RPS6KA6: variants seen among roughly 807,000 people sequenced by gnomAD.
RPS6KA6 encodes the protein ribosomal protein S6 kinase A6, also known as ribosomal protein S6 kinase alpha-6.
In RPS6KA6, 27 loss-of-function variants were observed where a neutral mutation model predicts 65.4. That is an observed-to-expected ratio of 0.41 (90% CI 0.30 to 0.57). The LOEUF (loss-of-function observed/expected upper bound fraction) is 0.57, where lower values mean the gene tolerates loss of function less well. Among genes scored for constraint, RPS6KA6 ranks in the 20% least tolerant of loss-of-function variants. RPS6KA6 has a pLI of 0.24. For missense variants in RPS6KA6, 486 were observed against 555.6 expected, an observed-to-expected ratio of 0.87 and a Z score of 1.26; for synonymous variants, 190 against 184.2, an observed-to-expected ratio of 1.03 and a Z score of -0.26.
chrX:84,096,833 C>T (rs1286328299), intron 19 of RPS6KA6, among the ~76,000 whole-genome samples: 1 of 111,197 alleles, frequency 9.0e-6, no homozygotes, highest in Non-Finnish European at 1.9e-5. Flanking sequence ...ACTCCATAGC[C>T]ATTACATTTA....
At chrX:84,135,049 C>CA (rs2034968501) in intron 7 of RPS6KA6, 55 bp downstream of exon 7, 18 of 870,065 alleles carry the variant, frequency 2.1e-5, no homozygotes, top group Non-Finnish European at 3.3e-6. Flanking sequence ...CAGAGTTTGA[C>CA]AAAAAGCAGT....
chrX:84,105,896 A>G lies in RPS6KA6; in HGVS notation c.1366-20T>C. On this transcript the variant is annotated intron_variant, in intron 15 of 21. Coordinates refer to ENST00000262752, the MANE Select transcript of RPS6KA6 (RefSeq NM_014496.5). Reference sequence around the variant, plus strand: ...AATGATCTAAGAAATACGAAAAAAGAAAAATATCTGAGGCAAACAAATTAT... The same window carrying G: ...AATGATCTAAGAAATACGAAAAAAGGAAAATATCTGAGGCAAACAAATTAT... 1.1e-6 allele frequency: 1 copy of G among 916,342 alleles called. No homozygotes were observed. The highest frequency in any genetic ancestry group is 2.3e-5 in the South Asian group (1 of 43,352). 75.5% of individuals were successfully genotyped at this position (916,342 alleles called of 1,213,427 possible).
chrX:84,152,137 T>A (rs1243934386), intron 3 of RPS6KA6, among the ~76,000 whole-genome samples: 3 of 111,311 alleles, frequency 2.7e-5, no homozygotes, highest in African/African-American at 9.8e-5. Context: ...AGTATCCCAA[T>A]ATGGCATTTA....
At chrX:84,098,033 A>G (rs2034190262) in intron 18 of RPS6KA6, among the ~76,000 whole-genome samples, 185 bp from the exon 19 acceptor site, 1 of 111,305 alleles carries the variant, frequency 9.0e-6, no homozygotes, top group African/African-American at 3.2e-5. Flanking sequence ...CTCTTAGGAA[A>G]CCAGATATAG....
Position 84,116,282 on chromosome X carries a change from C to G in RPS6KA6, c.955G>C (p.Glu319Gln), listed in dbSNP as rs757392631. The change falls in exon 12 of 22, where the codon GAA becomes CAA. Residue 319 changes from glutamate to glutamine, a missense_variant. Physicochemically the swap from Glu to Gln is conservative, Grantham distance 29. This residue lies in a region of RPS6KA6 where 345 missense variants were observed against 375.0 expected (regional missense o/e 0.92). Transcript: ENST00000262752. ...TGTCTTTTGATTTCTTCAACTCCTT[C>G]TGATCCTATAAAAAAAAGAAATGAT... ...KRNPANRLGS[E>Q]GVEEIKRHLF... The G allele has an allele frequency of 9.1e-7, 1 of 1,100,126 alleles. No individual in the cohort carries two copies. The highest frequency in any genetic ancestry group is 1.2e-6 in the Non-Finnish European group (1 of 812,699). The allele number at this position is 1,100,126 out of a possible 1,213,427, so 90.7% of individuals were successfully genotyped here.
At position 84,064,317 on chromosome X, in the gene RPS6KA6, T is replaced by C. The variant is rs771340297; in HGVS notation, c.2198A>G (p.Gln733Arg). 8.3e-7 allele frequency: 1 copy of C among 1,209,146 alleles called. No individual in the cohort carries two copies. The highest frequency in any genetic ancestry group is 2.2e-5 in the Admixed American group (1 of 45,815). The change falls in exon 22 of 22, where the codon CAG becomes CGG. Residue 733 changes from glutamine (Q) to arginine (R), a missense_variant. Gln to Arg is a conservative substitution (Grantham distance 43). Coordinates refer to ENST00000262752, the MANE Select transcript of RPS6KA6 (RefSeq NM_014496.5). ...TGTTCGCTTTTTCATGCTCCGTCGC[T>C]GGGCTAAGCTTGAAGCAGCTACAGG... ...LEPVAASSLA[Q>R]RRSMKKRTST...
intron 3 of RPS6KA6, among the ~76,000 whole-genome samples, chrX:84,154,612 T>C (rs917646804): frequency 9.1e-6 from 1 of 110,443 alleles, no homozygotes; most frequent in African/African-American, 3.3e-5. Flanking sequence ...ATAATATACA[T>C]GCCTACTCTA....
chrX:84,101,159 T>C (rs192844730), intron 18 of RPS6KA6, among the ~76,000 whole-genome samples: 16 of 111,492 alleles, frequency 1.4e-4, no homozygotes, highest in Non-Finnish European at 2.7e-4. Context: ...TGAAGAGTTT[T>C]AGGTATTTTG....
At position 84,108,721 on chromosome X, in the gene RPS6KA6, A is replaced by T. The variant is rs183939934; in HGVS notation, c.1009-996T>A. 2.4e-3 allele frequency among the ~76,000 whole-genome samples: 271 copies of T among 111,680 alleles called. 2 individuals are homozygous for T. The highest frequency in any genetic ancestry group is 9.2e-3 in the Middle Eastern group (2 of 217). On this transcript the variant is annotated intron_variant, in intron 12 of 21. Transcript: ENST00000262752. ...CTGTGCAGAGGTACTGCTCAAGCCC[A>T]TGTGGAATCCCATGGACTTTTGATC...
chrX:84,133,666 C>A (rs771781916), intron 8 of RPS6KA6, among the ~76,000 whole-genome samples: 2 of 111,262 alleles, frequency 1.8e-5, no homozygotes, highest in Non-Finnish European at 3.8e-5. Flanking sequence ...AAGAGGTATA[C>A]TTTATTAAGC....
chrX:84,144,554 G>A (rs1214102261), intron 6 of RPS6KA6, among the ~76,000 whole-genome samples: 1 of 111,194 alleles, frequency 9.0e-6, no homozygotes, highest in African/African-American at 3.3e-5. Flanking sequence ...TGGAGCAACT[G>A]AAACTCTCTT....
At position 84,106,487 on chromosome X, in the gene RPS6KA6, T is replaced by C. The variant is rs756021150; in HGVS notation, c.1243A>G (p.Ile415Val). The C allele has an allele frequency of 9.4e-5, 105 of 1,114,988 alleles. No individual in the cohort carries two copies. The highest frequency in any genetic ancestry group is 1.2e-4 in the Non-Finnish European group (96 of 824,613). 91.9% of individuals were successfully genotyped at this position (1,114,988 alleles called of 1,213,427 possible). ...CCAAATTGTGCAGCATTTCCATTTA[T>C]CTGTTTATTTTTAAAAAGTAAAATA... is the stretch of plus-strand genomic sequence containing the variant. The part of the protein sequence containing the change: ...TSANVLPIVQ[I>V]NGNAAQFGEV... The change falls in exon 15 of 22, where the codon ATA (isoleucine) becomes GTA (valine). Residue 415 changes from isoleucine to valine, a missense_variant and splice_region_variant. Physicochemically the swap from Ile to Val is conservative, Grantham distance 29. This residue lies in a region of RPS6KA6 where 345 missense variants were observed against 375.0 expected (regional missense o/e 0.92). Coordinates refer to ENST00000262752, the MANE Select transcript of RPS6KA6 (RefSeq NM_014496.5).
At chrX:84,179,998 T>C (rs192254591) in intron 1 of RPS6KA6, among the ~76,000 whole-genome samples, 1 of 111,787 alleles carries the variant, frequency 8.9e-6, no homozygotes, top group Non-Finnish European at 1.9e-5. Context: ...TCTCAATTAG[T>C]ACAATTTCTT....
rs1343551829 is a variant in RPS6KA6 at position 84,096,228 on chromosome X, C to G, written c.1937G>C (p.Gly646Ala). 8.4e-7 allele frequency: 1 copy of G among 1,196,442 alleles called. No individual in the cohort carries two copies. The highest frequency in any genetic ancestry group is 1.8e-5 in the South Asian group (1 of 56,511). The change falls in exon 20 of 22, where the codon GGT (glycine) becomes GCT (alanine). Residue 646 changes from glycine to alanine, a missense_variant. This residue lies in a region of RPS6KA6 where 345 missense variants were observed against 375.0 expected (regional missense o/e 0.92). Coordinates refer to ENST00000262752, the MANE Select transcript of RPS6KA6 (RefSeq NM_014496.5). ...RIGNGKFSLS[G>A]GNWDNISDGA... ...GTCTGAAATATTGTCCCAGTTTCCA[C>G]CACTCAAAGAGAATTTTCCATTGCC...
chrX:84,065,852 G>A (rs768415915), intron 20 of RPS6KA6, among the ~76,000 whole-genome samples: 2 of 111,763 alleles, frequency 1.8e-5, no homozygotes, highest in African/African-American at 3.3e-5. Flanking sequence ...TAACAGCTCC[G>A]GTCAGCAGCT....
rs2033289707 is a variant in RPS6KA6 at position 84,060,670 on chromosome X, A to T, written c.*3607T>A. 1 of 111,392 alleles carries T rather than the reference A, an allele frequency of 9.0e-6. No individual in the cohort carries two copies. Among genetic ancestry groups the T allele is most frequent in the East Asian group, 2.8e-4 (1 of 3,548 alleles). 9.2% of individuals were successfully genotyped at this position (111,392 alleles called of 1,213,427 possible). On this transcript the variant is annotated 3_prime_UTR_variant, in exon 22 of 22. Coordinates refer to ENST00000262752, the MANE Select transcript of RPS6KA6 (RefSeq NM_014496.5). Reference sequence around the variant, plus strand: ...TTTTTAAGAGAAAAGGTAGATTGAGAAGTAGAAAGGAAGTAGGAAGGAAAT... The same window carrying T: ...TTTTTAAGAGAAAAGGTAGATTGAGTAGTAGAAAGGAAGTAGGAAGGAAAT...
intron 3 of RPS6KA6, among the ~76,000 whole-genome samples, chrX:84,152,746 T>C (rs777055787): frequency 9.0e-5 from 10 of 111,284 alleles, no homozygotes; most frequent in African/African-American, 2.9e-4. Flanking sequence ...TTTAAAGAAA[T>C]AGATACAAGT....
At chrX:84,077,344 G>C (rs2033683198) in intron 20 of RPS6KA6, among the ~76,000 whole-genome samples, 1 of 111,119 alleles carries the variant, frequency 9.0e-6, no homozygotes, top group Admixed American at 9.6e-5. Flanking sequence ...AAACACTCAT[G>C]GTACCTGATT....
chrX:84,097,762 T>C lies in RPS6KA6; in HGVS notation c.1853+10A>G, dbSNP rs199535577. On this transcript the variant is annotated intron_variant, in intron 19 of 21. Transcript: ENST00000262752. ...AACAATGTTAATGCTTTTGAATATA[T>C]GTTTCTTACCCAGCCAACATTGTGT... 1.0e-4 allele frequency: 114 copies of C among 1,117,453 alleles called. No homozygotes were observed. In the African/African-American group the frequency reaches 1.7e-3, roughly 17 times the overall value. The allele number at this position is 1,117,453 out of a possible 1,213,427, so 92.1% of individuals were successfully genotyped here. A position where few individuals can be genotyped will look rare whatever the true frequency, so the allele number is the denominator to read the frequency against.
Sources: gnomAD v4.1 joint callset for allele counts (sites outside exome capture counted in the v4.1 genomes callset) on GRCh38, gnomAD v4.1.1 for gene constraint, gnomAD v4.1.1 regional missense constraint, MANE v1.5 for transcripts, NCBI Gene and HGNC (gene_info 2026-07-23, HGNC 2026-07-21) for gene names.